The following SLC6A11 variants were observed in gnomAD, a reference collection of about 807,000 sequenced individuals.
The protein encoded by SLC6A11 is sodium- and chloride-dependent GABA transporter 3.
In SLC6A11, 25 loss-of-function variants were observed where a neutral mutation model predicts 74.8. The observed-to-expected ratio is 0.33, with a 90% CI of 0.24 to 0.47. The LOEUF (loss-of-function observed/expected upper bound fraction) is 0.47, where lower values mean the gene tolerates loss of function less well. Ranked by LOEUF, SLC6A11 falls within the 20% of genes least tolerant of loss-of-function variation. SLC6A11 has a pLI of 1.00. For synonymous variants in SLC6A11, 330 were observed against 330.2 expected (o/e 1.00, Z 0.01); for missense variants, 574 against 837.0 (o/e 0.69, Z 3.88).
chr3:10,830,124 G>C (rs192335197), intron 4 of SLC6A11, among the ~76,000 whole-genome samples: 37 of 152,320 alleles, frequency 2.4e-4, no homozygotes, highest in African/African-American at 8.7e-4. Flanking sequence ...GATGCTTGCA[G>C]AGTGAGGCTG....
In SLC6A11 at chr3:10,816,652, C is replaced by T. The variant is rs561592873; in HGVS notation, c.256+131C>T. 3 of 998,698 alleles carry T rather than the reference C, an allele frequency of 3.0e-6. No homozygotes were observed. Among genetic ancestry groups the T allele is most frequent in the South Asian group, 4.0e-5 (2 of 49,834 alleles). 61.9% of individuals were successfully genotyped at this position (998,698 alleles called of 1,614,324 possible). A position where few individuals can be genotyped will look rare whatever the true frequency, so the allele number is the denominator to read the frequency against. On this transcript the variant is annotated intron_variant, in intron 1 of 13. Coordinates refer to ENST00000254488, the MANE Select transcript of SLC6A11 (RefSeq NM_014229.3). This position sits in a 1 kb window ranked among gnomAD's most constrained non-coding sequence, Gnocchi z 4.2. ...CCGAGCGGAGAACCTCGACTCCAGG[C>T]ACCTCGCGTGTGAGCTCGCCCCGGA...
intron 5 of SLC6A11, among the ~76,000 whole-genome samples, chr3:10,870,499 C>T (rs1694816874): frequency 6.6e-6 from 1 of 152,206 alleles, no homozygotes; most frequent in South Asian, 2.1e-4. Context: ...TCTGGCAAGG[C>T]ACAAGAGGGA....
chr3:10,933,822 C>T lies in SLC6A11; in HGVS notation c.1475-244C>T, dbSNP rs1378144773. The stretch of plus-strand genomic sequence containing the variant: ...ACCTTCCGCCTTTCTCCCAGAAATT[C>T]ATCATTTCCTGGGCCTGAGGCCAGG... On this transcript the variant is annotated intron_variant, in intron 11 of 13. Coordinates refer to ENST00000254488, the MANE Select transcript of SLC6A11 (RefSeq NM_014229.3). 1.9e-5 allele frequency: 7 copies of T among 371,842 alleles called. No individual in the cohort carries two copies. The East Asian group carries it at 2.9e-4, about 15-fold the overall frequency. The allele number at this position is 371,842 out of a possible 1,614,324, so 23.0% of individuals were successfully genotyped here. A position where few individuals can be genotyped will look rare whatever the true frequency, so the allele number is the denominator to read the frequency against.
At chr3:10,934,900 TG>T in intron 12 of SLC6A11, 128 bp from the exon 13 acceptor site, 3 of 785,358 alleles carry the variant, frequency 3.8e-6, no homozygotes, top group Non-Finnish European at 6.3e-6. Flanking sequence ...TCACTTTTCA[TG>T]GCTGTGAAAC....
At chr3:10,928,179 C>A (rs572546731) in intron 9 of SLC6A11, among the ~76,000 whole-genome samples, 1 of 152,196 alleles carries the variant, frequency 6.6e-6, no homozygotes, top group African/African-American at 2.4e-5. Context: ...TGCTATTATT[C>A]GTGTTATTAT....
chr3:10,877,961 C>G (rs1183806821), intron 6 of SLC6A11, among the ~76,000 whole-genome samples: 1 of 152,166 alleles, frequency 6.6e-6, no homozygotes, highest in African/African-American at 2.4e-5. Flanking sequence ...CCTTGTTGCT[C>G]TCCACCCCTG....
At chr3:10,835,523 T>A (rs967487611) in intron 4 of SLC6A11, among the ~76,000 whole-genome samples, 2 of 152,122 alleles carry the variant, frequency 1.3e-5, no homozygotes, top group African/African-American at 4.8e-5. Flanking sequence ...TTTCCCTGAG[T>A]GCCTGCTCCT....
intron 12 of SLC6A11, 151 bp downstream of exon 12, chr3:10,934,317 A>T (rs1037327782): frequency 1.7e-6 from 1 of 586,058 alleles, no homozygotes; most frequent in Admixed American, 2.8e-5. Context: ...AGCTGCACCC[A>T]TGGGCACAGG....
intron 8 of SLC6A11, among the ~76,000 whole-genome samples, chr3:10,921,086 C>T (rs918924663): frequency 2.6e-5 from 4 of 152,194 alleles, no homozygotes; most frequent in African/African-American, 9.6e-5. Context: ...ACAGAATGTA[C>T]TATTTGCAGG....
In SLC6A11 at chr3:10,816,546, G is replaced by T. The variant is rs769287965; in HGVS notation, c.256+25G>T. 1.4e-5 allele frequency: 21 copies of T among 1,549,680 alleles called. No homozygotes were observed. On this transcript the variant is annotated intron_variant, in intron 1 of 13. Transcript: ENST00000254488. The surrounding 1 kb of genome is among the most constrained non-coding windows in gnomAD (Gnocchi z 4.2). Reference sequence around the variant, plus strand: ...GGTGAGGTGATAGTGAGGAGAAGGGGAGGGGGCGCCAACCGCCCGGTGGGG... The same window carrying T: ...GGTGAGGTGATAGTGAGGAGAAGGGTAGGGGGCGCCAACCGCCCGGTGGGG...
At chr3:10,819,655 A>G in intron 2 of SLC6A11, 56 bp downstream of exon 2, 1 of 1,610,740 alleles carries the variant, frequency 6.2e-7, no homozygotes. Context: ...TCAACTGCAA[A>G]GGCAGATTGT....
intron 6 of SLC6A11, among the ~76,000 whole-genome samples, chr3:10,885,264 G>C (rs1303813298): frequency 2.0e-5 from 3 of 152,056 alleles, no homozygotes; most frequent in Admixed American, 2.0e-4. Context: ...CCTTAACCTT[G>C]TGTAGGCTCA....
chr3:10,910,766 C>T (rs973228890), intron 6 of SLC6A11, among the ~76,000 whole-genome samples: 1 of 152,002 alleles, frequency 6.6e-6, no homozygotes, highest in African/African-American at 2.4e-5. Flanking sequence ...CCTCAGTCTC[C>T]TCAGCTGTAA....
intron 6 of SLC6A11, among the ~76,000 whole-genome samples, chr3:10,889,766 G>T (rs1271758370): frequency 6.6e-6 from 1 of 152,300 alleles, no homozygotes; most frequent in East Asian, 1.9e-4. Flanking sequence ...CTGAAGGCAG[G>T]CTGAGGCCTG....
At position 10,934,238 on chromosome 3, in the gene SLC6A11, C is replaced by T. The variant is rs545644186; in HGVS notation, c.1575+72C>T. ...TACCCTCCAACCCACGTTTCCACTC[C>T]GTAGCCCCCACCCTGGCCGAGGCTG... On this transcript the variant is annotated intron_variant, in intron 12 of 13. Transcript: ENST00000254488. 6.8e-5 allele frequency: 72 copies of T among 1,051,254 alleles called. No individual in the cohort carries two copies. The East Asian group carries it at 9.5e-4, about 14-fold the overall frequency. 65.1% of individuals were successfully genotyped at this position (1,051,254 alleles called of 1,614,324 possible).
At chr3:10,894,795 A>AGT (rs1217673845) in intron 6 of SLC6A11, among the ~76,000 whole-genome samples, 1 of 152,190 alleles carries the variant, frequency 6.6e-6, no homozygotes, top group Non-Finnish European at 1.5e-5. Flanking sequence ...AATAATTTTA[A>AGT]GTGTTCTTGC....
At position 10,819,552 on chromosome 3, in the gene SLC6A11, G is replaced by A; in HGVS notation, c.344G>A (p.Ser115Asn). ...FLETALGQFT[S>N]EGGITCWRKV... ...GAGACAGCTCTGGGGCAGTTCACAA[G>A]TGAAGGTGGCATTACGTGTTGGAGG... Residue 115 changes from serine to asparagine, a missense_variant, in exon 2 of 14, where the codon AGT becomes AAT. Around this residue, in one of 4 missense-constraint regions of SLC6A11, gnomAD observed 215 missense variants for 357.9 expected, o/e 0.60. Transcript: ENST00000254488. 2 of 1,614,196 alleles carry A rather than the reference G, an allele frequency of 1.2e-6. No individual in the cohort carries two copies. Among genetic ancestry groups the A allele is most frequent in the Non-Finnish European group, 1.7e-6 (2 of 1,180,034 alleles).
At chr3:10,819,953 A>C (rs1190578644) in intron 3 of SLC6A11, 101 bp downstream of exon 3, 13 of 1,268,500 alleles carry the variant, frequency 1.0e-5, no homozygotes, top group Non-Finnish European at 1.3e-5. Flanking sequence ...GCCTCTCGTC[A>C]TGAGTCCAGT....
intron 5 of SLC6A11, among the ~76,000 whole-genome samples, chr3:10,873,739 C>T (rs1389532297): frequency 5.2e-5 from 5 of 96,540 alleles, no homozygotes; most frequent in African/African-American, 1.3e-4. Context: ...TATCCCGTCC[C>T]GTCCCATGCT....
Sources: gnomAD v4.1 joint callset for allele counts (sites outside exome capture counted in the v4.1 genomes callset) on GRCh38, gnomAD v4.1.1 for gene constraint, gnomAD v4.1.1 regional missense constraint, Gnocchi (gnomAD v3.1) non-coding constraint, MANE v1.5 for transcripts, NCBI Gene and HGNC (gene_info 2026-07-23, HGNC 2026-07-21) for gene names.